The following MACROD2 variants were observed in gnomAD, a reference collection of about 807,000 sequenced individuals.
MACROD2 encodes ADP-ribose glycohydrolase MACROD2.
In MACROD2, 36 loss-of-function variants were observed where a neutral mutation model predicts 70.4. The observed-to-expected ratio is 0.51, with a 90% CI of 0.39 to 0.68. MACROD2 has a LOEUF of 0.68. MACROD2 is among the 30% of genes least tolerant of loss of function. The pLI, the probability that MACROD2 is intolerant of heterozygous loss-of-function variation, is 0.00. For synonymous variants in MACROD2, 172 were observed against 178.8 expected (o/e 0.96, Z 0.30); for missense variants, 496 against 538.4 (o/e 0.92, Z 0.78).
At chr20:14,125,994 A>G (rs2054644115) in intron 3 of MACROD2, among the ~76,000 whole-genome samples, 1 of 152,158 alleles carries the variant, frequency 6.6e-6, no homozygotes, top group South Asian at 2.1e-4. Context: ...TGGTGACTTG[A>G]TATACCCCTT....
chr20:14,900,542 C>A (rs185133670), intron 5 of MACROD2, among the ~76,000 whole-genome samples: 1 of 149,876 alleles, frequency 6.7e-6, no homozygotes, highest in South Asian at 2.1e-4. Context: ...CAGTAGTTTG[C>A]GTCTTTCTGA....
chr20:15,814,812 A>G (rs942781579), intron 8 of MACROD2, among the ~76,000 whole-genome samples: 8 of 152,202 alleles, frequency 5.3e-5, no homozygotes, highest in Non-Finnish European at 7.3e-5. Flanking sequence ...TTCTGAGTGT[A>G]GACTAATTCC....
At chr20:14,263,441 T>G (rs2082116655) in intron 3 of MACROD2, among the ~76,000 whole-genome samples, 1 of 152,122 alleles carries the variant, frequency 6.6e-6, no homozygotes, top group South Asian at 2.1e-4. Flanking sequence ...CTGGTAGAGA[T>G]ACCATCAGAG....
At chr20:14,288,961 A>G (rs1245060480) in intron 3 of MACROD2, among the ~76,000 whole-genome samples, 1 of 152,212 alleles carries the variant, frequency 6.6e-6, no homozygotes, top group African/African-American at 2.4e-5. Flanking sequence ...TGCTTGACAG[A>G]GATGGCTCAT....
intron 6 of MACROD2, among the ~76,000 whole-genome samples, chr20:15,345,844 G>A (rs531489554): frequency 4.1e-4 from 62 of 152,220 alleles, no homozygotes; most frequent in African/African-American, 1.4e-3. Flanking sequence ...ACAGTGCAAT[G>A]GACCATTCTG....
intron 5 of MACROD2, among the ~76,000 whole-genome samples, chr20:14,774,096 C>A (rs204115): frequency 0.67 from 101,736 of 151,756 alleles, 34,553 homozygotes; most frequent in African/African-American, 0.73. Context: ...TGTTTGTTAT[C>A]ATTTGATATT....
At chr20:15,547,825 A>C (rs2048044693) in intron 8 of MACROD2, among the ~76,000 whole-genome samples, 1 of 151,870 alleles carries the variant, frequency 6.6e-6, no homozygotes, top group Non-Finnish European at 1.5e-5. Flanking sequence ...GTGAAGTTTC[A>C]CCTTTGTAAA....
chr20:14,870,600 G>A (rs1165703929), intron 5 of MACROD2, among the ~76,000 whole-genome samples: 1 of 151,656 alleles, frequency 6.6e-6, no homozygotes, highest in Non-Finnish European at 1.5e-5. Context: ...ACCTCACCAG[G>A]ACCTATTATT....
At chr20:14,529,516 G>A (rs1045427852) in intron 4 of MACROD2, among the ~76,000 whole-genome samples, 1 of 152,046 alleles carries the variant, frequency 6.6e-6, no homozygotes, top group Admixed American at 6.6e-5. Context: ...CCTTTTTAAA[G>A]CATAAAATAA....
intron 4 of MACROD2, among the ~76,000 whole-genome samples, chr20:14,578,430 A>G (rs1457075755): frequency 6.6e-6 from 1 of 152,008 alleles, no homozygotes; most frequent in African/African-American, 2.4e-5. Flanking sequence ...TAAGGGAGGG[A>G]TTGATAATCC....
At chr20:15,376,210 A>G (rs2045560075) in intron 6 of MACROD2, among the ~76,000 whole-genome samples, 1 of 152,200 alleles carries the variant, frequency 6.6e-6, no homozygotes, top group South Asian at 2.1e-4. Flanking sequence ...TAGGTAATGA[A>G]TAGAAGATAG....
chr20:14,382,239 T>G (rs899394417), intron 3 of MACROD2, among the ~76,000 whole-genome samples: 12 of 151,818 alleles, frequency 7.9e-5, no homozygotes, highest in Admixed American at 3.9e-4. Flanking sequence ...TTTTTGTATT[T>G]TTAGTAGAGA....
chr20:15,693,188 C>T (rs1268322965), intron 8 of MACROD2, among the ~76,000 whole-genome samples: 1 of 152,106 alleles, frequency 6.6e-6, no homozygotes, highest in Non-Finnish European at 1.5e-5. Flanking sequence ...ACTAATAGAG[C>T]TTGAAACCCT....
chr20:14,583,650 T>A (rs935908140), intron 4 of MACROD2, among the ~76,000 whole-genome samples: 4 of 152,140 alleles, frequency 2.6e-5, no homozygotes, highest in Non-Finnish European at 4.4e-5. Context: ...TACTTACTCA[T>A]CTATGAAACA....
intron 5 of MACROD2, among the ~76,000 whole-genome samples, chr20:14,826,577 G>A (rs937678215): frequency 6.6e-6 from 1 of 151,970 alleles, no homozygotes; most frequent in African/African-American, 2.4e-5. Context: ...CTATTGAGTT[G>A]CATTCTGTTT....
intron 5 of MACROD2, among the ~76,000 whole-genome samples, chr20:14,750,957 A>G (rs1368408400): frequency 6.6e-6 from 1 of 152,080 alleles, no homozygotes. Context: ...GATCCCATGT[A>G]CAGTTGAAGT....
intron 10 of MACROD2, among the ~76,000 whole-genome samples, chr20:15,907,970 A>G (rs1384763668): frequency 6.6e-6 from 1 of 152,094 alleles, no homozygotes; most frequent in African/African-American, 2.4e-5. Flanking sequence ...TTTCATGACT[A>G]CACTCCCTAA....
intron 8 of MACROD2, among the ~76,000 whole-genome samples, chr20:15,555,282 T>C (rs2048151646): frequency 6.6e-6 from 1 of 152,166 alleles, no homozygotes; most frequent in African/African-American, 2.4e-5. Context: ...GTCCCTCTTT[T>C]GGAATAGGGA....
intron 8 of MACROD2, among the ~76,000 whole-genome samples, chr20:15,760,218 T>C (rs1251491037): frequency 6.6e-6 from 1 of 152,238 alleles, no homozygotes; most frequent in Non-Finnish European, 1.5e-5. Flanking sequence ...GACCCAGAGC[T>C]GCTCGCTGAA....
Sources: gnomAD v4.1 joint callset for allele counts (sites outside exome capture counted in the v4.1 genomes callset) on GRCh38, gnomAD v4.1.1 for gene constraint, MANE v1.5 for transcripts, NCBI Gene and HGNC (gene_info 2026-07-23, HGNC 2026-07-21) for gene names.